Variants in COX7A2L observed in about 807,000 individuals in gnomAD.
The protein encoded by COX7A2L is cytochrome c oxidase subunit 7A2 like, also known as cytochrome c oxidase subunit 7A2-like, mitochondrial.
In COX7A2L, 18 loss-of-function variants were observed where a neutral mutation model predicts 14.2. The observed-to-expected ratio is 1.27, with a 90% CI of 0.88 to 1.88. The LOEUF is 1.88. Ranked by LOEUF, COX7A2L falls within the 40% of genes most tolerant of loss-of-function variation. The pLI is 0.00. For synonymous variants in COX7A2L, 65 were observed against 57.4 expected (o/e 1.13, Z -0.60); for missense variants, 179 against 138.8 (o/e 1.29, Z -1.46).
At chr2:42,346,734 T>C (rs968093218), downstream of COX7A2L, among the ~76,000 whole-genome samples, 7 of 151,780 alleles carry the variant, frequency 4.6e-5, no homozygotes, top group African/African-American at 1.7e-4. Flanking sequence ...CACTCCAGTC[T>C]GGGCGACGGA....
chr2:42,353,420 C>T, intron 1 of COX7A2L, 77 bp from the exon 2 acceptor site: 1 of 1,564,778 alleles, frequency 6.4e-7, no homozygotes, highest in Non-Finnish European at 8.7e-7. Flanking sequence ...GGCAGCCATT[C>T]AACTACGAGA....
chr2:42,361,153 G>C lies in COX7A2L; in HGVS notation c.9C>G (p.Tyr3Ter). 6.2e-7 allele frequency: 1 copy of C among 1,613,292 alleles called. No homozygotes were observed. The highest frequency in any genetic ancestry group is 8.5e-7 in the Non-Finnish European group (1 of 1,179,620). MY[Y>*]KFSGFTQKLA... is the part of the protein sequence containing the mutation. ...ACTTCTGCGTGAAGCCACTAAACTT[G>C]TAGTACATGACGCCCAGAGTCCGGC... The change falls in exon 1 of 3, where the codon TAC becomes TAG. Residue 3 changes from tyrosine (Y) to a stop codon, truncating the protein, a stop_gained. Transcript: ENST00000234301. LOFTEE classifies it high-confidence loss of function.
At chr2:42,360,791 C>T (rs1671003409) in intron 1 of COX7A2L, 1 of 419,714 alleles carries the variant, frequency 2.4e-6, no homozygotes, top group Non-Finnish European at 4.3e-6. Context: ...TCGGGTCACA[C>T]TGGGGACCCC....
downstream of COX7A2L, among the ~76,000 whole-genome samples, chr2:42,348,857 G>C (rs1670549905): frequency 6.6e-6 from 1 of 152,126 alleles, no homozygotes; most frequent in Admixed American, 6.6e-5. Context: ...GGCGGAGATT[G>C]CAGTGAGCCA....
downstream of COX7A2L, among the ~76,000 whole-genome samples, chr2:42,347,791 C>T (rs1380952622): frequency 6.6e-6 from 1 of 152,162 alleles, no homozygotes; most frequent in Non-Finnish European, 1.5e-5. Flanking sequence ...TATGGTGGCG[C>T]ATGCCAGTAA....
rs1670368956 is a variant in COX7A2L, at chr2:42,339,981, C to T, written c.193-6112G>A. ...CCCCCATTCTATTTCCTCACTCCCACACGACCCTCTGAACAATGTCGCAGA... is the reference window on the plus strand; with the variant it reads ...CCCCCATTCTATTTCCTCACTCCCATACGACCCTCTGAACAATGTCGCAGA... On this transcript the variant is annotated intron_variant, in intron 2 of 2. Coordinates refer to the COX7A2L transcript ENST00000468711. The surrounding 1 kb of genome is among the most constrained non-coding windows in gnomAD (Gnocchi z 5.4). Among the ~76,000 whole-genome samples, 2 of 152,162 alleles carry T rather than the reference C, an allele frequency of 1.3e-5. No homozygotes were observed. Among genetic ancestry groups the T allele is most frequent in the African/African-American group, 4.8e-5 (2 of 41,426 alleles).
At chr2:42,347,307 CTTTTTT>C (rs10718452), downstream of COX7A2L, among the ~76,000 whole-genome samples, 4 of 135,052 alleles carry the variant, frequency 3.0e-5, no homozygotes, top group Non-Finnish European at 6.3e-5. Context: ...AAACCAGCAC[CTTTTTT>C]TTTTTTTTTT....
chr2:42,353,289 T>G lies in COX7A2L; in HGVS notation c.127A>C (p.Thr43Pro). ...EAPPIIFATP[T>P]KLTSDSTVYD... ...ACTGTGGAATCGGAGGTCAGTTTAG[T>G]TGGTGTGGCAAATATGATAGGTGGT... The change falls in exon 2 of 3, where the codon ACT becomes CCT. Residue 43 changes from threonine to proline, a missense_variant. Thr to Pro is a conservative substitution (Grantham distance 38, BLOSUM62 -1). Transcript: ENST00000234301. The G allele has an allele frequency of 6.2e-7, 1 of 1,614,144 alleles. No individual in the cohort carries two copies. The highest frequency in any genetic ancestry group is 8.5e-7 in the Non-Finnish European group (1 of 1,180,010).
intron 2 of COX7A2L, among the ~76,000 whole-genome samples, chr2:42,340,397 T>C (rs1312545106): frequency 6.6e-6 from 1 of 152,186 alleles, no homozygotes; most frequent in Non-Finnish European, 1.5e-5. Context: ...TGTAAGTCTT[T>C]TTCCTCTCCA....
At chr2:42,354,519 G>C (rs1291614346) in intron 1 of COX7A2L, among the ~76,000 whole-genome samples, 1 of 152,110 alleles carries the variant, frequency 6.6e-6, no homozygotes, top group East Asian at 1.9e-4. Context: ...CAAATACAGT[G>C]ATCAGTCCGC....
At chr2:42,357,214 T>C (rs929369224) in intron 1 of COX7A2L, among the ~76,000 whole-genome samples, 1 of 152,232 alleles carries the variant, frequency 6.6e-6, no homozygotes, top group South Asian at 2.1e-4. Flanking sequence ...ATCCCCATAA[T>C]TTTAATTTTT....
At position 42,336,359 on chromosome 2, in the gene COX7A2L, G is replaced by A. The variant is rs1411587849; in HGVS notation, c.193-2490C>T. ...TGATGATTACTAAGTATCTCAGTGG[G>A]ATTCAACAAAATCGATTCCAGAGGC... is the stretch of plus-strand genomic sequence containing the variant. On this transcript the variant is annotated intron_variant, in intron 2 of 2. Coordinates refer to the COX7A2L transcript ENST00000468711. Among the ~76,000 whole-genome samples the A allele has an allele frequency of 2.0e-5, 3 of 152,286 alleles. No homozygotes were observed. In the East Asian group the frequency reaches 5.8e-4, roughly 29 times the overall value.
At chr2:42,346,112 G>T (rs990516480), downstream of COX7A2L, among the ~76,000 whole-genome samples, 2 of 152,164 alleles carry the variant, frequency 1.3e-5, no homozygotes, top group Non-Finnish European at 2.9e-5. Context: ...CCAAACAGCT[G>T]ACTGGCCCAG....
At chr2:42,359,913 C>G (rs764980849) in intron 1 of COX7A2L, 3 of 151,590 alleles carry the variant, frequency 2.0e-5, no homozygotes, top group African/African-American at 4.8e-5. Flanking sequence ...TTTTTAGAGA[C>G]AGGGTCTCAC....
At position 42,342,877 on chromosome 2, in the gene COX7A2L, C is replaced by G. The variant is rs1292367651; in HGVS notation, c.193-9008G>C. On this transcript the variant is annotated intron_variant, in intron 2 of 2. Transcript: ENST00000468711. The surrounding 1 kb of genome is among the most constrained non-coding windows in gnomAD (Gnocchi z 4.9). ...GGACCCTGGGCAAGCAGCATCTGGG[C>G]CCCCCACCTGCCCATCCCAACACAT... Among the ~76,000 whole-genome samples the G allele has an allele frequency of 6.6e-6, 1 of 152,150 alleles. No homozygotes were observed. Among genetic ancestry groups the G allele is most frequent in the Non-Finnish European group, 1.5e-5 (1 of 68,024 alleles).
chr2:42,363,179 C>T (rs1024064654), upstream of COX7A2L, among the ~76,000 whole-genome samples: 1 of 152,172 alleles, frequency 6.6e-6, no homozygotes, highest in African/African-American at 2.4e-5. Context: ...GCCAGGCCCA[C>T]CCCATGTTTT....
chr2:42,361,152 T>C lies in COX7A2L; in HGVS notation c.10A>G (p.Lys4Glu). The change falls in exon 1 of 3, where the codon AAG (lysine) becomes GAG (glutamate). Residue 4 changes from lysine (K) to glutamate (E), a missense_variant. Lys to Glu is a moderately conservative substitution (Grantham distance 56). Transcript: ENST00000234301. ...AACTTCTGCGTGAAGCCACTAAACT[T>C]GTAGTACATGACGCCCAGAGTCCGG... MYY[K>E]FSGFTQKLAG... 3.1e-6 allele frequency: 5 copies of C among 1,613,086 alleles called. No individual in the cohort carries two copies. The highest frequency in any genetic ancestry group is 3.4e-6 in the Non-Finnish European group (4 of 1,179,540).
chr2:42,364,250 C>CAAAAAAAAAAAA (rs35151680), upstream of COX7A2L, among the ~76,000 whole-genome samples: 87 of 85,398 alleles, frequency 1.0e-3, no homozygotes, highest in African/African-American at 2.7e-3. Flanking sequence ...GACTCCGTCT[C>CAAAAAAAAAAAA]AAAAAAAAAA....
At chr2:42,367,496 C>T (rs1425017683) in intron 1 of COX7A2L, among the ~76,000 whole-genome samples, 1 of 151,996 alleles carries the variant, frequency 6.6e-6, no homozygotes, top group Admixed American at 6.5e-5. Context: ...AAAAAAAAAG[C>T]TAGGAGGAAG....
Sources: gnomAD v4.1 joint callset for allele counts (sites outside exome capture counted in the v4.1 genomes callset) on GRCh38, gnomAD v4.1.1 for gene constraint, Gnocchi (gnomAD v3.1) non-coding constraint, MANE v1.5 for transcripts, NCBI Gene and HGNC (gene_info 2026-07-23, HGNC 2026-07-21) for gene names.